The following RBFOX1 variants were observed in gnomAD, a reference collection of about 807,000 sequenced individuals.
RBFOX1 encodes the protein RNA binding fox-1 homolog 1.
Under a neutral mutation model 57.7 loss-of-function variants are expected in RBFOX1, and 8 were observed. That is an observed-to-expected ratio of 0.14 (90% CI 0.08 to 0.25). The LOEUF is 0.25. Ranked by LOEUF, RBFOX1 falls within the 10% of genes least tolerant of loss-of-function variation. The probability of loss-of-function intolerance (pLI) is 1.00; values close to 1 mark genes in which losing one functional copy is unlikely to be tolerated. For synonymous variants in RBFOX1, 326 were observed against 222.4 expected (o/e 1.47, Z -4.15); for missense variants, 611 against 548.5 (o/e 1.11, Z -1.14).
chr16:7,027,177 G>A (rs894866089), intron 3 of RBFOX1, among the ~76,000 whole-genome samples: 4 of 152,128 alleles, frequency 2.6e-5, no homozygotes, highest in South Asian at 2.1e-4. Flanking sequence ...AGTGTTTCCT[G>A]AAGGCAGGAG....
intron 2 of RBFOX1, among the ~76,000 whole-genome samples, chr16:6,532,619 C>A (rs769271418): frequency 1.3e-5 from 2 of 152,144 alleles, no homozygotes; most frequent in African/African-American, 2.4e-5. Flanking sequence ...TGCTCTACTT[C>A]CTGGTGATCG....
intron 1 of RBFOX1, among the ~76,000 whole-genome samples, chr16:5,462,024 A>G (rs1168927745): frequency 6.6e-6 from 1 of 152,194 alleles, no homozygotes; most frequent in African/African-American, 2.4e-5. Flanking sequence ...CACTCCCACC[A>G]GTGGTGTAGG....
At chr16:5,538,470 A>C (rs902990880) in intron 2 of RBFOX1, among the ~76,000 whole-genome samples, 2 of 152,174 alleles carry the variant, frequency 1.3e-5, no homozygotes, top group African/African-American at 2.4e-5. Flanking sequence ...GGAGGATTAC[A>C]TGTTTCAAGG....
chr16:7,310,132 G>A lies in RBFOX1; in HGVS notation c.28-208015G>A, dbSNP rs535804383. ...AATGGCCCAGAAGAGCCCTGGCCCT[G>A]GCCCTTTAACCATGCTGAATACAGG... On this transcript the variant is annotated intron_variant, in intron 4 of 15. Transcript: ENST00000550418. Among the ~76,000 whole-genome samples, 705 of 152,236 alleles carry A rather than the reference G, an allele frequency of 4.6e-3. 2 individuals are homozygous for A. The highest frequency in any genetic ancestry group is 0.016 in the African/African-American group (659 of 41,510).
At chr16:6,282,905 T>C (rs980197315) in intron 1 of RBFOX1, among the ~76,000 whole-genome samples, 2 of 152,232 alleles carry the variant, frequency 1.3e-5, no homozygotes, top group African/African-American at 4.8e-5. Flanking sequence ...TCTCATTTCA[T>C]TGATCCTTAC....
intron 4 of RBFOX1, among the ~76,000 whole-genome samples, chr16:7,138,590 T>G (rs1043173939): frequency 6.6e-6 from 1 of 152,178 alleles, no homozygotes; most frequent in African/African-American, 2.4e-5. Context: ...TTTTCCTTCA[T>G]GGCCAGGAAA....
intron 4 of RBFOX1, among the ~76,000 whole-genome samples, chr16:7,213,933 G>A (rs1169998152): frequency 1.6e-5 from 2 of 122,428 alleles, no homozygotes; most frequent in Non-Finnish European, 3.6e-5. Context: ...GAAGTGGTGG[G>A]TTGTTAAGAA....
intron 3 of RBFOX1, among the ~76,000 whole-genome samples, chr16:5,694,043 G>A (rs1432639792): frequency 6.6e-6 from 1 of 152,188 alleles, no homozygotes; most frequent in Non-Finnish European, 1.5e-5. Context: ...GAGTAAGTGA[G>A]ATAAATTTGA....
intron 3 of RBFOX1, among the ~76,000 whole-genome samples, chr16:5,623,105 C>T (rs1434857994): frequency 1.3e-5 from 2 of 152,164 alleles, no homozygotes; most frequent in Non-Finnish European, 2.9e-5. Flanking sequence ...GATGACTGTG[C>T]TGTCTGGCCA....
intron 4 of RBFOX1, among the ~76,000 whole-genome samples, chr16:7,101,103 G>A (rs575714744): frequency 3.0e-4 from 45 of 152,274 alleles, no homozygotes; most frequent in Admixed American, 1.2e-3. Flanking sequence ...GTATTCTCAT[G>A]CTATGGTACT....
chr16:7,021,895 CTTTT>C (rs1313630815), intron 3 of RBFOX1, among the ~76,000 whole-genome samples: 1 of 121,036 alleles, frequency 8.3e-6, no homozygotes, highest in Non-Finnish European at 1.6e-5. Context: ...TTCTTTCTTT[CTTTT>C]CTTTCTTTCT....
At chr16:5,692,249 C>G (rs1193693748) in intron 3 of RBFOX1, among the ~76,000 whole-genome samples, 1 of 149,676 alleles carries the variant, frequency 6.7e-6, no homozygotes, top group Non-Finnish European at 1.5e-5. Flanking sequence ...ACAGAAGCTC[C>G]ATTTGTTGGC....
At chr16:6,041,622 G>A (rs1211063168) in intron 1 of RBFOX1, among the ~76,000 whole-genome samples, 1 of 152,088 alleles carries the variant, frequency 6.6e-6, no homozygotes, top group South Asian at 2.1e-4. Flanking sequence ...TGCAAACTCA[G>A]GTCAGCCTGA....
chr16:6,632,057 G>A (rs552103034), intron 2 of RBFOX1, among the ~76,000 whole-genome samples: 2 of 152,244 alleles, frequency 1.3e-5, no homozygotes, highest in East Asian at 1.9e-4. Flanking sequence ...TTTGGACAAT[G>A]TTTAGTAAGG....
intron 1 of RBFOX1, among the ~76,000 whole-genome samples, chr16:6,109,962 CT>C (rs1356694995): frequency 3.9e-5 from 6 of 152,054 alleles, no homozygotes; most frequent in Non-Finnish European, 7.4e-5. Context: ...TTGGAAATCA[CT>C]TTTTTATGTA....
intron 4 of RBFOX1, among the ~76,000 whole-genome samples, chr16:7,161,794 C>G (rs1235608799): frequency 6.6e-6 from 1 of 152,194 alleles, no homozygotes; most frequent in Non-Finnish European, 1.5e-5. Flanking sequence ...GATTTCAGCA[C>G]AAGCACTGGA....
intron 2 of RBFOX1, among the ~76,000 whole-genome samples, chr16:6,369,612 C>T (rs528213666): frequency 2.0e-5 from 3 of 152,164 alleles, no homozygotes; most frequent in Non-Finnish European, 4.4e-5. Flanking sequence ...CTTGTTACTA[C>T]CATGTTCCCC....
At chr16:5,318,442 C>G (rs2064303199) in intron 1 of RBFOX1, among the ~76,000 whole-genome samples, 1 of 152,096 alleles carries the variant, frequency 6.6e-6, no homozygotes, top group Non-Finnish European at 1.5e-5. Context: ...CTACTGATAT[C>G]TAATCCAGCC....
intron 1 of RBFOX1, among the ~76,000 whole-genome samples, chr16:5,316,437 T>A (rs973081853): frequency 6.6e-6 from 1 of 152,178 alleles, no homozygotes; most frequent in Non-Finnish European, 1.5e-5. Flanking sequence ...ATGGTTGGCG[T>A]GGAGCAGCTT....
Sources: allele counts gnomAD v4.1 joint callset (sites outside exome capture counted in the v4.1 genomes callset), GRCh38; gene constraint gnomAD v4.1.1; transcripts MANE v1.5; gene names NCBI Gene and HGNC (gene_info 2026-07-23, HGNC 2026-07-21).